GUCY1A2: variants seen among roughly 807,000 people sequenced by gnomAD.
GUCY1A2 encodes the protein guanylate cyclase 1 soluble subunit alpha 2.
Under a neutral mutation model 63.5 loss-of-function variants are expected in GUCY1A2, and 27 were observed. The observed-to-expected ratio is 0.43, with a 90% CI of 0.31 to 0.59. The LOEUF (loss-of-function observed/expected upper bound fraction) is 0.59. Ranked by LOEUF, GUCY1A2 falls within the 20% of genes least tolerant of loss-of-function variation. GUCY1A2 has a pLI of 0.11. For missense variants in GUCY1A2, 768 were observed against 913.3 expected (o/e 0.84, Z 2.05); for synonymous variants, 364 against 343.5 (o/e 1.06, Z -0.66).
chr11:106,784,289 G>C (rs1864518300), intron 5 of GUCY1A2, among the ~76,000 whole-genome samples: 1 of 152,040 alleles, frequency 6.6e-6, no homozygotes, highest in African/African-American at 2.4e-5. Flanking sequence ...AACCCTGTAG[G>C]TTATTCTCCC....
At chr11:106,970,229 T>C (rs563681465) in intron 3 of GUCY1A2, among the ~76,000 whole-genome samples, 2 of 152,296 alleles carry the variant, frequency 1.3e-5, no homozygotes, top group South Asian at 4.1e-4. Flanking sequence ...CTGTTGGTTA[T>C]ATCACCTCAA....
chr11:106,796,766 T>C (rs1159286618), intron 5 of GUCY1A2, among the ~76,000 whole-genome samples: 1 of 152,132 alleles, frequency 6.6e-6, no homozygotes, highest in East Asian at 1.9e-4. Flanking sequence ...GAGTTGCTCT[T>C]CTCAAGGAGT....
intron 6 of GUCY1A2, among the ~76,000 whole-genome samples, chr11:106,752,220 A>G (rs1047945855): frequency 6.6e-6 from 1 of 152,204 alleles, no homozygotes; most frequent in Non-Finnish European, 1.5e-5. Flanking sequence ...TATAAACGTA[A>G]CAAAACCTAA....
At chr11:106,975,703 G>A (rs1027590786) in intron 3 of GUCY1A2, among the ~76,000 whole-genome samples, 1 of 152,106 alleles carries the variant, frequency 6.6e-6, no homozygotes, top group African/African-American at 2.4e-5. Context: ...CCAACGAAAG[G>A]GAAACAGACA....
intron 4 of GUCY1A2, among the ~76,000 whole-genome samples, chr11:106,855,898 T>TTTTTTTTTA (rs370789014): frequency 5.2e-5 from 3 of 57,612 alleles, no homozygotes; most frequent in Admixed American, 3.9e-4. Flanking sequence ...TTGTATTTTA[T>TTTTTTTTTA]TTATTTATTT....
At chr11:106,941,953 T>C (rs1860757078) in intron 3 of GUCY1A2, among the ~76,000 whole-genome samples, 1 of 152,188 alleles carries the variant, frequency 6.6e-6, no homozygotes, top group African/African-American at 2.4e-5. Context: ...AAGATAAAAA[T>C]ATCACCACTC....
chr11:106,829,403 T>G (rs528102868), intron 4 of GUCY1A2, among the ~76,000 whole-genome samples: 1 of 152,292 alleles, frequency 6.6e-6, no homozygotes, highest in African/African-American at 2.4e-5. Context: ...GGCCTGACTT[T>G]AAAGCCTAGT....
chr11:106,984,130 C>T (rs547832880), intron 2 of GUCY1A2, among the ~76,000 whole-genome samples: 2 of 152,330 alleles, frequency 1.3e-5, no homozygotes, highest in Admixed American at 1.3e-4. Context: ...GACAAAATTG[C>T]TGCCAACAGG....
At chr11:106,773,329 T>C (rs1330629089) in intron 6 of GUCY1A2, among the ~76,000 whole-genome samples, 1 of 152,258 alleles carries the variant, frequency 6.6e-6, no homozygotes, top group Admixed American at 6.5e-5. Context: ...GATTATGTTT[T>C]TGACATTCAT....
At position 106,936,312 on chromosome 11, in the gene GUCY1A2, C is replaced by T. The variant is rs559664739; in HGVS notation, c.1206+3148G>A. 1.1e-4 allele frequency among the ~76,000 whole-genome samples: 17 copies of T among 152,290 alleles called. No individual in the cohort carries two copies. The South Asian group carries it at 3.5e-3, about 32-fold the overall frequency. Reference sequence around the variant, plus strand: ...GATCTATGCAATACATTTCCAAATTCTCAGAACAATATTTGATATACATGG... The same window carrying T: ...GATCTATGCAATACATTTCCAAATTTTCAGAACAATATTTGATATACATGG... On this transcript the variant is annotated intron_variant, in intron 4 of 7. Transcript: ENST00000526355.
At chr11:106,958,048 A>T (rs1395235041) in intron 3 of GUCY1A2, among the ~76,000 whole-genome samples, 2 of 152,114 alleles carry the variant, frequency 1.3e-5, no homozygotes, top group African/African-American at 2.4e-5. Flanking sequence ...AGAAATTAGT[A>T]TGTTATTGTG....
At chr11:106,968,148 G>A (rs1384121992) in intron 3 of GUCY1A2, among the ~76,000 whole-genome samples, 2 of 152,172 alleles carry the variant, frequency 1.3e-5, no homozygotes, top group Admixed American at 1.3e-4. Flanking sequence ...TAAAAGTCAT[G>A]GGTGCATACT....
At chr11:106,739,289 T>G (rs377295755) in intron 6 of GUCY1A2, among the ~76,000 whole-genome samples, 86 of 152,310 alleles carry the variant, frequency 5.6e-4, no homozygotes, top group Middle Eastern at 3.4e-3. Flanking sequence ...AAGAAGATTT[T>G]GGGCCGAGAC....
At chr11:106,954,650 C>T (rs767823292) in intron 3 of GUCY1A2, among the ~76,000 whole-genome samples, 3 of 152,116 alleles carry the variant, frequency 2.0e-5, no homozygotes, top group Non-Finnish European at 4.4e-5. Flanking sequence ...AGTCTCTTTG[C>T]AGGTCTCTAA....
rs186445035 is a variant in GUCY1A2 at position 106,918,111 on chromosome 11, T to C, written c.1206+21349A>G. 1.9e-4 allele frequency among the ~76,000 whole-genome samples: 27 copies of C among 144,114 alleles called. 2 individuals carry two copies. Among genetic ancestry groups the C allele is most frequent in the Non-Finnish European group, 3.9e-4 (25 of 64,244 alleles). 94.5% of individuals were successfully genotyped at this position (144,114 alleles called of 152,430 possible). The stretch of plus-strand genomic sequence containing the variant: ...TAGAACAGAGAAGGAGAACGAAGGG[T>C]ATAACGCCCCTGTTTGCATGCCCAG... On this transcript the variant is annotated intron_variant, in intron 4 of 7. Transcript: ENST00000526355.
At chr11:106,850,049 C>T (rs760457082) in intron 4 of GUCY1A2, among the ~76,000 whole-genome samples, 1 of 151,682 alleles carries the variant, frequency 6.6e-6, no homozygotes, top group Non-Finnish European at 1.5e-5. Context: ...CTTCATCTCT[C>T]TCCCTCCCTG....
chr11:106,733,278 C>A (rs967265309), intron 6 of GUCY1A2, among the ~76,000 whole-genome samples: 15 of 152,090 alleles, frequency 9.9e-5, no homozygotes, highest in African/African-American at 3.6e-4. Context: ...TGCTCTGGGT[C>A]AGGATGTAAA....
intron 4 of GUCY1A2, among the ~76,000 whole-genome samples, chr11:106,812,466 C>A (rs902893819): frequency 1.3e-5 from 2 of 151,622 alleles, no homozygotes; most frequent in Non-Finnish European, 3.0e-5. Flanking sequence ...GGACTCTACT[C>A]TCATTTTTTT....
intron 4 of GUCY1A2, among the ~76,000 whole-genome samples, chr11:106,842,721 G>C (rs1859217037): frequency 6.6e-6 from 1 of 151,952 alleles, no homozygotes; most frequent in South Asian, 2.1e-4. Flanking sequence ...AGGAAAAAGG[G>C]GGTAGGGAGG....
Sources: gnomAD v4.1 joint callset for allele counts (sites outside exome capture counted in the v4.1 genomes callset) on GRCh38, gnomAD v4.1.1 for gene constraint, MANE v1.5 for transcripts, NCBI Gene and HGNC (gene_info 2026-07-23, HGNC 2026-07-21) for gene names.